Variants in ZEB2 observed in about 807,000 individuals in gnomAD.
ZEB2 encodes the protein zinc finger E-box binding homeobox 2.
A neutral mutation model predicts 99.9 loss-of-function variants in ZEB2; 6 were observed. That is an observed-to-expected ratio of 0.06 (90% CI 0.03 to 0.12). The LOEUF is 0.12. ZEB2 is among the 10% of genes least tolerant of loss of function. ZEB2 has a pLI of 1.00. For synonymous variants in ZEB2, 517 were observed against 542.5 expected (o/e 0.95, Z 0.65); for missense variants, 969 against 1,502.8 (o/e 0.64, Z 5.87).
chr2:144,462,708 A>G (rs1704211669), intron 2 of ZEB2: 1 of 152,220 alleles, frequency 6.6e-6, no homozygotes, highest in African/African-American at 2.4e-5. Flanking sequence ...ACTAACTTCA[A>G]TGCCCTCCAT....
chr2:144,403,352 A>G (rs534205075), intron 6 of ZEB2, among the ~76,000 whole-genome samples: 2 of 152,258 alleles, frequency 1.3e-5, no homozygotes, highest in South Asian at 4.1e-4. Context: ...CCAACGTTTT[A>G]GTACTAATCC....
chr2:144,402,147 T>C (rs1434641461), intron 6 of ZEB2, among the ~76,000 whole-genome samples: 5 of 152,004 alleles, frequency 3.3e-5, no homozygotes, highest in Admixed American at 3.3e-4. Context: ...AAAGATATAA[T>C]CAAACACAGC....
At position 144,399,330 on chromosome 2, in the gene ZEB2, G is replaced by A. The variant is rs764217328; in HGVS notation, c.1857C>T (p.Asn619=). The stretch of plus-strand genomic sequence containing the variant: ...AAACTCCGGCTTTGTTGGGGACTAT[G>A]TTTTCATGAGGCTGCAGGACCGCCT... ...EIKAVLQPHE[N]IVPNKAGVFV... The change falls in exon 8 of 10, where the codon AAC becomes AAT. Residue 619 remains asparagine, a synonymous_variant. Transcript: ENST00000627532. This position sits in a 1 kb window ranked among gnomAD's most constrained non-coding sequence, Gnocchi z 5.6. 6.2e-7 allele frequency: 1 copy of A among 1,613,994 alleles called. No homozygotes were observed. The highest frequency in any genetic ancestry group is 2.2e-5 in the East Asian group (1 of 44,898).
chr2:144,429,808 G>A lies in ZEB2; in HGVS notation c.292C>T (p.His98Tyr). Residue 98 changes from histidine to tyrosine, a missense_variant, in exon 3 of 10, where the codon CAC (histidine) becomes TAC (tyrosine). By Grantham distance (83) the His-to-Tyr change is moderately conservative. Transcript: ENST00000627532. ...IREGGVEHPW[H>Y]NNEILQASVD... Reference sequence around the variant, plus strand: ...GAGGCTTGTAGAATCTCGTTGTTGTGCCAGGGGTGTTCCACTCCACCCTCC... The same window carrying A: ...GAGGCTTGTAGAATCTCGTTGTTGTACCAGGGGTGTTCCACTCCACCCTCC... 6.2e-7 allele frequency: 1 copy of A among 1,613,790 alleles called. No individual in the cohort carries two copies.
chr2:144,423,667 A>G (rs1391584926), intron 4 of ZEB2, among the ~76,000 whole-genome samples: 1 of 152,144 alleles, frequency 6.6e-6, no homozygotes, highest in East Asian at 1.9e-4. Flanking sequence ...CTTTATTTTT[A>G]TACCTTAAAT....
intron 2 of ZEB2, among the ~76,000 whole-genome samples, chr2:144,460,088 T>C (rs917767114): frequency 2.0e-5 from 3 of 152,124 alleles, no homozygotes; most frequent in Non-Finnish European, 4.4e-5. Context: ...CTGAACAAGG[T>C]TGCTATGTTA....
chr2:144,397,408 T>A (rs1175013924), intron 8 of ZEB2, among the ~76,000 whole-genome samples: 1 of 152,224 alleles, frequency 6.6e-6, no homozygotes, highest in Non-Finnish European at 1.5e-5. Context: ...AGAGGTGCAC[T>A]GCTACTTATG....
rs1376002871 is a variant in ZEB2 at position 144,385,301 on chromosome 2, T to C, written c.*4150A>G. On this transcript the variant is annotated 3_prime_UTR_variant, in exon 10 of 10. Transcript: ENST00000627532. ...ACCAATTAATCATTAGAAACAAATG[T>C]CATTGAATACAGAATAGTTGAGTTA... 1 of 152,156 alleles carries C rather than the reference T, an allele frequency of 6.6e-6. No individual in the cohort carries two copies. The highest frequency in any genetic ancestry group is 2.4e-5 in the African/African-American group (1 of 41,448). 9.4% of individuals were successfully genotyped at this position (152,156 alleles called of 1,614,324 possible). A position where few individuals can be genotyped will look rare whatever the true frequency, so the allele number is the denominator to read the frequency against.
intron 2 of ZEB2, among the ~76,000 whole-genome samples, chr2:144,447,123 T>C (rs1450259361): frequency 1.3e-5 from 2 of 152,234 alleles, no homozygotes; most frequent in African/African-American, 4.8e-5. Flanking sequence ...GTGATCATAT[T>C]TCTTTAAATG....
intron 2 of ZEB2, among the ~76,000 whole-genome samples, chr2:144,471,836 C>T (rs1456476671): frequency 1.3e-5 from 2 of 149,972 alleles, no homozygotes; most frequent in African/African-American, 4.9e-5. Context: ...GACAAATTTT[C>T]TTCAGTGCAC....
chr2:144,413,528 CCTAT>C (rs1469138719), intron 4 of ZEB2, among the ~76,000 whole-genome samples: 1 of 152,188 alleles, frequency 6.6e-6, no homozygotes, highest in Non-Finnish European at 1.5e-5. Context: ...CTCCTCCAAA[CCTAT>C]CTCTTTCTCC....
chr2:144,484,917 C>T (rs1200396211), intron 2 of ZEB2, among the ~76,000 whole-genome samples: 3 of 152,100 alleles, frequency 2.0e-5, no homozygotes, highest in African/African-American at 7.2e-5. Context: ...GAACATGCAG[C>T]TCCATAAGTC....
intron 2 of ZEB2, among the ~76,000 whole-genome samples, chr2:144,492,095 C>G (rs1404169141): frequency 2.0e-5 from 3 of 152,112 alleles, no homozygotes; most frequent in Non-Finnish European, 4.4e-5. Flanking sequence ...CTGAGATACC[C>G]AAGCACAGAA....
At chr2:144,435,542 T>C (rs1306590481) in intron 2 of ZEB2, among the ~76,000 whole-genome samples, 1 of 149,806 alleles carries the variant, frequency 6.7e-6, no homozygotes, top group Non-Finnish European at 1.5e-5. Flanking sequence ...GAGGCTGTAG[T>C]GAGCTATGAT....
rs908684687 is a variant in ZEB2, at chr2:144,385,138, A to G, written c.*4313T>C. On this transcript the variant is annotated 3_prime_UTR_variant, in exon 10 of 10. Coordinates refer to ENST00000627532, the MANE Select transcript of ZEB2 (RefSeq NM_014795.4). ...TTTCAGAATTTATAGGAGTGCTTAT[A>G]TAAGCGATAATAATTGGACCAGTGT... 13 of 152,188 alleles carry G rather than the reference A, an allele frequency of 8.5e-5. No homozygotes were observed. The highest frequency in any genetic ancestry group is 2.6e-4 in the Admixed American group (4 of 15,278). The allele number at this position is 152,188 out of a possible 1,614,324, so 9.4% of individuals were successfully genotyped here. A position where few individuals can be genotyped will look rare whatever the true frequency, so the allele number is the denominator to read the frequency against.
At chr2:144,460,776 T>G (rs1263141800) in intron 2 of ZEB2, among the ~76,000 whole-genome samples, 1 of 152,130 alleles carries the variant, frequency 6.6e-6, no homozygotes, top group African/African-American at 2.4e-5. Context: ...GCAGATTGCT[T>G]CTCTCCTTCT....
chr2:144,484,182 G>A (rs200723868), intron 2 of ZEB2, among the ~76,000 whole-genome samples: 21 of 24,062 alleles, frequency 8.7e-4, no homozygotes, highest in African/African-American at 2.5e-3. Context: ...TGGAAATCTG[G>A]ATTTGTGTGT....
rs1553964156 is a variant in ZEB2, at chr2:144,429,932, C to G, written c.168G>C (p.Leu56=). The G allele has an allele frequency of 3.7e-6, 6 of 1,613,710 alleles. 1 individual carries two copies. The highest frequency in any genetic ancestry group is 5.1e-6 in the Non-Finnish European group (6 of 1,179,872). The change falls in exon 3 of 10, where the codon CTG becomes CTC. Residue 56 remains leucine, a synonymous_variant. Coordinates refer to ENST00000627532, the MANE Select transcript of ZEB2 (RefSeq NM_014795.4). ...IAEDDGIANP[L]DQETSPASVP... ...CACTAGCTGGACTCGTCTCCTGGTC[C>G]AGAGGGTTGGCAATACCGTCATCCT...
At position 144,451,595 on chromosome 2, in the gene ZEB2, G is replaced by C. The variant is rs904060133; in HGVS notation, c.74-21569C>G. Among the ~76,000 whole-genome samples the C allele has an allele frequency of 2.6e-4, 39 of 152,116 alleles. 1 individual carries two copies. The highest frequency in any genetic ancestry group is 4.4e-5 in the Non-Finnish European group (3 of 68,010). On this transcript the variant is annotated intron_variant, in intron 2 of 9. Transcript: ENST00000627532. Reference sequence around the variant, plus strand: ...ATTTTAAAACTTGGAAATCCTAAAGGATAAGCATCTTGAATGATGCAACTT... The same window carrying C: ...ATTTTAAAACTTGGAAATCCTAAAGCATAAGCATCTTGAATGATGCAACTT...
Sources: allele counts gnomAD v4.1 joint callset (sites outside exome capture counted in the v4.1 genomes callset), GRCh38; gene constraint gnomAD v4.1.1; non-coding constraint Gnocchi (gnomAD v3.1); transcripts MANE v1.5; gene names NCBI Gene and HGNC (gene_info 2026-07-23, HGNC 2026-07-21).